The following TMEM135 variants were observed in gnomAD, a reference collection of about 807,000 sequenced individuals.
TMEM135 encodes transmembrane protein 135.
TMEM135 carries 30 observed loss-of-function variants against 60.3 expected under a neutral mutation model. The observed-to-expected ratio is 0.50, with a 90% CI of 0.37 to 0.68. TMEM135 has a LOEUF of 0.68. Among genes scored for constraint, TMEM135 ranks in the 30% least tolerant of loss-of-function variants. TMEM135 has a pLI of 0.00. For synonymous variants in TMEM135, 190 were observed against 186.7 expected (o/e 1.02, Z -0.14); for missense variants, 468 against 548.8 (o/e 0.85, Z 1.47).
chr11:87,286,432 C>A (rs1463400460), intron 6 of TMEM135, among the ~76,000 whole-genome samples: 1 of 152,246 alleles, frequency 6.6e-6, no homozygotes. Context: ...AAGTCCCCAC[C>A]CGACTCAGGA....
intron 5 of TMEM135, among the ~76,000 whole-genome samples, chr11:87,174,323 T>C (rs1173281975): frequency 1.3e-5 from 2 of 152,180 alleles, no homozygotes; most frequent in African/African-American, 4.8e-5. Flanking sequence ...TCTATTAACA[T>C]GATTCACTTC....
At chr11:87,279,041 T>C (rs1450497579) in intron 6 of TMEM135, among the ~76,000 whole-genome samples, 1 of 152,176 alleles carries the variant, frequency 6.6e-6, no homozygotes, top group Non-Finnish European at 1.5e-5. Context: ...TTTGTTCTTC[T>C]TTATAGCTGA....
intron 4 of TMEM135, among the ~76,000 whole-genome samples, chr11:87,102,732 A>ATATATATG (rs1555104049): frequency 6.9e-6 from 1 of 145,394 alleles, no homozygotes; most frequent in Non-Finnish European, 1.5e-5. Context: ...ATATATGTAT[A>ATATATATG]TATATATGTA....
intron 5 of TMEM135, among the ~76,000 whole-genome samples, chr11:87,216,203 G>C (rs912751379): frequency 4.6e-5 from 7 of 152,152 alleles, no homozygotes; most frequent in African/African-American, 1.7e-4. Context: ...TGCGGATAAG[G>C]GGGGACTACA....
At chr11:87,102,029 A>G (rs1437723717) in intron 4 of TMEM135, among the ~76,000 whole-genome samples, 2 of 152,130 alleles carry the variant, frequency 1.3e-5, no homozygotes, top group African/African-American at 4.8e-5. Context: ...CTTTCACTCA[A>G]CAGAGAATGA....
chr11:87,056,885 A>G (rs990657958), intron 1 of TMEM135, among the ~76,000 whole-genome samples: 11 of 152,204 alleles, frequency 7.2e-5, no homozygotes, highest in Non-Finnish European at 1.2e-4. Flanking sequence ...TTGTTGTTCA[A>G]TTAGAAATAT....
chr11:87,138,369 G>A (rs1938165998), intron 4 of TMEM135, among the ~76,000 whole-genome samples: 1 of 152,192 alleles, frequency 6.6e-6, no homozygotes, highest in Admixed American at 6.5e-5. Context: ...GGGATTACAG[G>A]TTTGAGCCAC....
intron 4 of TMEM135, among the ~76,000 whole-genome samples, chr11:87,094,504 T>A (rs1332524280): frequency 1.3e-5 from 2 of 152,186 alleles, no homozygotes; most frequent in Non-Finnish European, 2.9e-5. Flanking sequence ...CAATACTACT[T>A]CTTTCAATTC....
chr11:87,152,376 T>C (rs990067771), intron 4 of TMEM135, among the ~76,000 whole-genome samples: 1 of 152,242 alleles, frequency 6.6e-6, no homozygotes, highest in African/African-American at 2.4e-5. Context: ...TTTCTTCATT[T>C]TGAAATTCTT....
At chr11:87,217,254 C>T (rs910155319) in intron 5 of TMEM135, among the ~76,000 whole-genome samples, 1 of 152,136 alleles carries the variant, frequency 6.6e-6, no homozygotes, top group African/African-American at 2.4e-5. Flanking sequence ...ATGGCTTGGG[C>T]AACTCCTTGA....
At chr11:87,131,008 C>T (rs1937912663) in intron 4 of TMEM135, among the ~76,000 whole-genome samples, 1 of 150,736 alleles carries the variant, frequency 6.6e-6, no homozygotes, top group Non-Finnish European at 1.5e-5. Context: ...TATCCTTTAA[C>T]AAATTAGGCT....
At chr11:87,047,452 T>C (rs1272730699) in intron 1 of TMEM135, among the ~76,000 whole-genome samples, 3 of 151,080 alleles carry the variant, frequency 2.0e-5, no homozygotes, top group African/African-American at 7.3e-5. Flanking sequence ...CAGGCCAGTG[T>C]GTGCGCGCAC....
At chr11:87,219,846 C>T (rs964803631) in intron 5 of TMEM135, among the ~76,000 whole-genome samples, 6 of 152,214 alleles carry the variant, frequency 3.9e-5, no homozygotes, top group African/African-American at 1.4e-4. Flanking sequence ...TCATAACAAT[C>T]CAAAGTGAAA....
intron 2 of TMEM135, among the ~76,000 whole-genome samples, chr11:87,071,283 C>T (rs1452598982): frequency 2.6e-5 from 4 of 152,138 alleles, no homozygotes; most frequent in South Asian, 2.1e-4. Flanking sequence ...TTGAGGATGA[C>T]GCCTGTCAAA....
In TMEM135 at chr11:87,102,561, A is replaced by G. The variant is rs150979387; in HGVS notation, c.396+11166A>G. ...AACATATACTTTTCCGTATGAGCCA[A>G]CCAATCTACTCATAGACATTTACTT... On this transcript the variant is annotated intron_variant, in intron 4 of 14. Coordinates refer to ENST00000305494, the MANE Select transcript of TMEM135 (RefSeq NM_022918.4). Among the ~76,000 whole-genome samples, 238 of 152,090 alleles carry G rather than the reference A, an allele frequency of 1.6e-3. 2 individuals carry two copies. The highest frequency in any genetic ancestry group is 5.5e-3 in the African/African-American group (229 of 41,536).
intron 11 of TMEM135, 32 bp from the exon 12 acceptor site, chr11:87,314,439 T>G (rs1942691172): frequency 6.5e-7 from 1 of 1,538,276 alleles, no homozygotes; most frequent in African/African-American, 1.4e-5. Flanking sequence ...TACTCTGCGA[T>G]CTTATCAGTT....
chr11:87,110,170 A>G (rs530520819), intron 4 of TMEM135, among the ~76,000 whole-genome samples: 19 of 152,296 alleles, frequency 1.2e-4, no homozygotes, highest in South Asian at 2.1e-4. Flanking sequence ...AGGAGAGGGC[A>G]GTTCTCCGTG....
At chr11:87,212,408 T>C (rs1396044992) in intron 5 of TMEM135, among the ~76,000 whole-genome samples, 1 of 152,216 alleles carries the variant, frequency 6.6e-6, no homozygotes, top group Admixed American at 6.5e-5. Context: ...AATATATTAA[T>C]AATTTTAAAG....
At chr11:87,098,491 G>C (rs756073428) in intron 4 of TMEM135, among the ~76,000 whole-genome samples, 7 of 152,060 alleles carry the variant, frequency 4.6e-5, no homozygotes, top group Admixed American at 2.6e-4. Context: ...TTTGAACTGC[G>C]TGTGAACACT....
Sources: allele counts gnomAD v4.1 joint callset (sites outside exome capture counted in the v4.1 genomes callset), GRCh38; gene constraint gnomAD v4.1.1; transcripts MANE v1.5; gene names NCBI Gene and HGNC (gene_info 2026-07-23, HGNC 2026-07-21).